The following CASK variants were observed in gnomAD, a reference collection of about 807,000 sequenced individuals.
The protein encoded by CASK is peripheral plasma membrane protein CASK.
A neutral mutation model predicts 82.9 loss-of-function variants in CASK; 4 were observed. The observed-to-expected ratio is 0.05, with a 90% CI of 0.02 to 0.11. The LOEUF (loss-of-function observed/expected upper bound fraction) is 0.11, where lower values mean the gene tolerates loss of function less well. Ranked by LOEUF, CASK falls within the 10% of genes least tolerant of loss-of-function variation. CASK has a pLI of 1.00. For synonymous variants in CASK, 259 were observed against 253.5 expected, an observed-to-expected ratio of 1.02 and a Z score of -0.20; for missense variants, 358 against 720.9, an observed-to-expected ratio of 0.50 and a Z score of 5.76.
At chrX:41,713,766 T>C (rs2068019434) in intron 5 of CASK, among the ~76,000 whole-genome samples, 1 of 111,596 alleles carries the variant, frequency 9.0e-6, no homozygotes, top group Non-Finnish European at 1.9e-5. Context: ...AGGAGAGTCA[T>C]GGGACTCATC....
intron 5 of CASK, among the ~76,000 whole-genome samples, chrX:41,687,907 G>A (rs1484331248): frequency 9.9e-6 from 1 of 100,628 alleles, no homozygotes; most frequent in East Asian, 3.1e-4. Context: ...GCAGTGAGCC[G>A]AGATTGTGCC....
intron 8 of CASK, among the ~76,000 whole-genome samples, chrX:41,644,516 A>G (rs956004189): frequency 1.8e-5 from 2 of 111,709 alleles, no homozygotes; most frequent in Non-Finnish European, 3.8e-5. Flanking sequence ...AATTGCATTA[A>G]CTGCACAAAT....
chrX:41,653,454 C>T (rs767469555), intron 8 of CASK, among the ~76,000 whole-genome samples: 28 of 111,992 alleles, frequency 2.5e-4, no homozygotes, highest in Non-Finnish European at 3.6e-4. Context: ...ATGAAATATT[C>T]ACTCCCTTGG....
intron 2 of CASK, among the ~76,000 whole-genome samples, chrX:41,799,619 T>A (rs1305328526): frequency 3.7e-5 from 4 of 108,336 alleles, no homozygotes; most frequent in Admixed American, 1.0e-4. Context: ...CTCAGGGATA[T>A]CTCTCCCCTG....
At chrX:41,644,880 A>G (rs2066728823) in intron 8 of CASK, among the ~76,000 whole-genome samples, 1 of 111,377 alleles carries the variant, frequency 9.0e-6, no homozygotes, top group African/African-American at 3.3e-5. Flanking sequence ...TTGCCTAATA[A>G]ATTTTAGTCA....
chrX:41,908,627 A>G (rs1304697412), intron 1 of CASK, among the ~76,000 whole-genome samples: 1 of 112,173 alleles, frequency 8.9e-6, no homozygotes, highest in Non-Finnish European at 1.9e-5. Context: ...GAAAGGGTAG[A>G]GTAGTATGTT....
At chrX:41,625,804 G>A (rs1234653541) in intron 10 of CASK, among the ~76,000 whole-genome samples, 2 of 109,448 alleles carry the variant, frequency 1.8e-5, no homozygotes, top group South Asian at 3.9e-4. Flanking sequence ...TTTTGAGATG[G>A]AGTCTCGCAT....
chrX:41,676,480 C>T, intron 5 of CASK: 1 of 1,195,102 alleles, frequency 8.4e-7, no homozygotes, highest in Non-Finnish European at 1.1e-6. Context: ...TCTGAACCAG[C>T]TCATTTTTAT....
chrX:41,738,526 C>T (rs1438955160), intron 5 of CASK, among the ~76,000 whole-genome samples: 2 of 112,349 alleles, frequency 1.8e-5, no homozygotes, highest in Non-Finnish European at 3.8e-5. Context: ...ATTTCCCAAA[C>T]ATTATAGACA....
In CASK at chrX:41,840,873, T is replaced by G. The variant is rs1235803506; in HGVS notation, c.172+12242A>C. ...AATGTTGAACCAGTTTTGCATACCT[T>G]TAATTCCTTTTTAAGGTTGAACAAT... On this transcript the variant is annotated intron_variant, in intron 2 of 26. Coordinates refer to ENST00000378163, the MANE Select transcript of CASK (RefSeq NM_001367721.1). 3.6e-5 allele frequency among the ~76,000 whole-genome samples: 4 copies of G among 112,310 alleles called. No homozygotes were observed. The Admixed American group carries it at 3.8e-4, about 11-fold the overall frequency.
chrX:41,802,593 T>C (rs1388308977), intron 2 of CASK, among the ~76,000 whole-genome samples: 2 of 112,251 alleles, frequency 1.8e-5, no homozygotes, highest in Non-Finnish European at 3.8e-5. Flanking sequence ...AGGCCCACAG[T>C]AAAGCACATC....
At chrX:41,640,102 G>T (rs181215621) in intron 8 of CASK, among the ~76,000 whole-genome samples, 51 of 111,791 alleles carry the variant, frequency 4.6e-4, no homozygotes, top group African/African-American at 1.5e-3. Flanking sequence ...AGAATGCCTG[G>T]GCTATATGAT....
At chrX:41,611,909 C>T (rs1161991210) in intron 11 of CASK, among the ~76,000 whole-genome samples, 6 of 111,529 alleles carry the variant, frequency 5.4e-5, no homozygotes, top group African/African-American at 1.9e-4. Context: ...CTGTGTTGGC[C>T]GGGCTGGTCT....
chrX:41,852,965 C>A, intron 2 of CASK, 150 bp downstream of exon 2: 1 of 474,419 alleles, frequency 2.1e-6, no homozygotes. Context: ...TTCTGACAAA[C>A]TAGAATAGAG....
intron 3 of CASK, among the ~76,000 whole-genome samples, chrX:41,754,638 G>C (rs920154895): frequency 5.4e-5 from 6 of 111,245 alleles, no homozygotes; most frequent in Non-Finnish European, 7.5e-5. Flanking sequence ...ATAGCACCCA[G>C]TATTAACAAT....
At chrX:41,902,816 G>T (rs2148069548) in intron 1 of CASK, among the ~76,000 whole-genome samples, 1 of 111,976 alleles carries the variant, frequency 8.9e-6, no homozygotes, top group South Asian at 3.7e-4. Context: ...AATTCAATCA[G>T]GTATCTTTTT....
chrX:41,767,826 G>C (rs779094032), intron 3 of CASK, among the ~76,000 whole-genome samples: 2 of 111,355 alleles, frequency 1.8e-5, no homozygotes, highest in African/African-American at 3.3e-5. Context: ...ATATACGCAG[G>C]AATGATCACT....
intron 1 of CASK, among the ~76,000 whole-genome samples, chrX:41,911,553 G>GC (rs2072566566): frequency 8.9e-6 from 1 of 112,335 alleles, no homozygotes; most frequent in African/African-American, 3.2e-5. Flanking sequence ...TTAAGATGTA[G>GC]AAATTGCTGT....
At chrX:41,792,263 C>T (rs1028309719) in intron 2 of CASK, among the ~76,000 whole-genome samples, 7 of 107,550 alleles carry the variant, frequency 6.5e-5, no homozygotes, top group African/African-American at 2.4e-4. Flanking sequence ...TTTAAGATTT[C>T]GTTTGCTCGA....
Sources: gnomAD v4.1 joint callset for allele counts (sites outside exome capture counted in the v4.1 genomes callset) on GRCh38, gnomAD v4.1.1 for gene constraint, MANE v1.5 for transcripts, NCBI Gene and HGNC (gene_info 2026-07-23, HGNC 2026-07-21) for gene names.